HS6ST3: variants seen among roughly 807,000 people sequenced by gnomAD.
HS6ST3 encodes heparan-sulfate 6-O-sulfotransferase 3.
HS6ST3 carries 12 observed loss-of-function variants against 36.7 expected under a neutral mutation model. The ratio of observed to expected loss-of-function variants is 0.33; its 90% CI spans 0.21 to 0.53. The LOEUF is 0.53. Ranked by LOEUF, HS6ST3 falls within the 20% of genes least tolerant of loss-of-function variation. HS6ST3 has a pLI of 0.95. For synonymous variants in HS6ST3, 240 were observed against 257.5 expected (o/e 0.93, Z 0.65); for missense variants, 584 against 640.9 (o/e 0.91, Z 0.96).
intron 1 of HS6ST3, among the ~76,000 whole-genome samples, chr13:96,193,283 G>A (rs1162662271): frequency 2.6e-5 from 4 of 152,092 alleles, no homozygotes; most frequent in African/African-American, 9.7e-5. Flanking sequence ...TCTCAAAGCC[G>A]AACGAAATAG....
Position 96,091,166 on chromosome 13 carries a change from G to C in HS6ST3, c.304G>C (p.Glu102Gln). 1 of 1,546,040 alleles carries C rather than the reference G, an allele frequency of 6.5e-7. No homozygotes were observed. Among genetic ancestry groups the C allele is most frequent in the African/African-American group, 1.4e-5 (1 of 73,018 alleles). The change falls in exon 1 of 2, where the codon GAG (glutamate) becomes CAG (glutamine). Residue 102 changes from glutamate (E) to glutamine (Q), a missense_variant. This residue lies in a region of HS6ST3 where 217 missense variants were observed against 205.4 expected (regional missense o/e 1.06). Coordinates refer to ENST00000376705, the MANE Select transcript of HS6ST3 (RefSeq NM_153456.4). ...DEEPGDPREGEEEEEEDEPDP... is the reference protein window; with the variant it reads ...DEEPGDPREGQEEEEEDEPDP... ...GGAGCCCGGAGACCCCCGGGAGGGG[G>C]AGGAAGAGGAGGAGGAAGACGAGCC...
intron 1 of HS6ST3, among the ~76,000 whole-genome samples, chr13:96,743,365 C>A (rs1594850096): frequency 6.6e-6 from 1 of 152,056 alleles, no homozygotes; most frequent in East Asian, 1.9e-4. Context: ...GTCACTCGGG[C>A]AATCCCAATA....
chr13:96,381,926 A>G (rs2055343466), intron 1 of HS6ST3, among the ~76,000 whole-genome samples: 1 of 152,188 alleles, frequency 6.6e-6, no homozygotes, highest in Non-Finnish European at 1.5e-5. Context: ...ACACTGGCCC[A>G]TGCAGGGTTG....
At chr13:96,681,606 C>T (rs1205712431) in intron 1 of HS6ST3, among the ~76,000 whole-genome samples, 2 of 152,116 alleles carry the variant, frequency 1.3e-5, no homozygotes, top group African/African-American at 4.8e-5. Flanking sequence ...ATTTTCTTAG[C>T]AACAGATTAT....
At chr13:96,688,129 T>C (rs1874837538) in intron 1 of HS6ST3, among the ~76,000 whole-genome samples, 1 of 150,688 alleles carries the variant, frequency 6.6e-6, no homozygotes, top group African/African-American at 2.5e-5. Flanking sequence ...AATGACGAGT[T>C]AATGGGTGCA....
intron 1 of HS6ST3, among the ~76,000 whole-genome samples, chr13:96,359,663 T>C (rs1461361465): frequency 1.3e-5 from 2 of 152,122 alleles, no homozygotes; most frequent in African/African-American, 2.4e-5. Context: ...ATGGCACCAG[T>C]CACTTTGCTG....
At chr13:96,279,777 T>G (rs1483927753) in intron 1 of HS6ST3, among the ~76,000 whole-genome samples, 3 of 152,196 alleles carry the variant, frequency 2.0e-5, no homozygotes, top group African/African-American at 4.8e-5. Flanking sequence ...TCAACCTGCT[T>G]CTTTAATTCT....
intron 1 of HS6ST3, among the ~76,000 whole-genome samples, chr13:96,726,957 G>A (rs1220355937): frequency 6.6e-6 from 1 of 152,016 alleles, no homozygotes; most frequent in East Asian, 1.9e-4. Context: ...GGATTCATGT[G>A]CTTTCTTTGC....
intron 1 of HS6ST3, among the ~76,000 whole-genome samples, chr13:96,296,527 G>C (rs376515792): frequency 1.3e-5 from 2 of 152,080 alleles, no homozygotes; most frequent in East Asian, 3.9e-4. Context: ...ACAACGGTGA[G>C]AAAAGCTGGC....
chr13:96,284,743 C>T (rs988616923), intron 1 of HS6ST3, among the ~76,000 whole-genome samples: 6 of 135,854 alleles, frequency 4.4e-5, no homozygotes, highest in Admixed American at 3.7e-4. Context: ...AAAGAGGATA[C>T]TGGTCTGCTT....
intron 1 of HS6ST3, among the ~76,000 whole-genome samples, chr13:96,685,963 A>G (rs1226935478): frequency 1.3e-5 from 2 of 152,096 alleles, no homozygotes; most frequent in Non-Finnish European, 2.9e-5. Context: ...AATCACAGGT[A>G]TATAGCTTTG....
At chr13:96,483,474 C>G (rs1327279573) in intron 1 of HS6ST3, among the ~76,000 whole-genome samples, 1 of 152,078 alleles carries the variant, frequency 6.6e-6, no homozygotes. Flanking sequence ...ACAATCCCTG[C>G]AAGGTCATAT....
chr13:96,487,416 T>G (rs879437534), intron 1 of HS6ST3, among the ~76,000 whole-genome samples: 1 of 152,120 alleles, frequency 6.6e-6, no homozygotes, highest in Non-Finnish European at 1.5e-5. Context: ...TTATAGGTAA[T>G]GGCTTAAAAA....
At chr13:96,568,907 T>C (rs2138960646) in intron 1 of HS6ST3, among the ~76,000 whole-genome samples, 1 of 152,276 alleles carries the variant, frequency 6.6e-6, no homozygotes, top group East Asian at 1.9e-4. Context: ...GATAATACAT[T>C]CTTTTCCAAA....
chr13:96,382,644 C>A (rs568755935), intron 1 of HS6ST3, among the ~76,000 whole-genome samples: 1 of 152,220 alleles, frequency 6.6e-6, no homozygotes, highest in East Asian at 1.9e-4. Context: ...TTAGTCATAT[C>A]ACTTTGGAAA....
intron 1 of HS6ST3, among the ~76,000 whole-genome samples, chr13:96,660,452 G>T (rs554772460): frequency 6.6e-6 from 1 of 152,222 alleles, no homozygotes; most frequent in Non-Finnish European, 1.5e-5. Context: ...AATAAATGGT[G>T]TTGGGAAAAC....
intron 1 of HS6ST3, among the ~76,000 whole-genome samples, chr13:96,351,335 T>TTA (rs1203595829): frequency 1.4e-5 from 2 of 146,366 alleles, no homozygotes; most frequent in Non-Finnish European, 3.0e-5. Context: ...TTTTTTTTTT[T>TTA]AAAAAAAACA....
intron 1 of HS6ST3, among the ~76,000 whole-genome samples, chr13:96,288,750 T>C (rs1346032116): frequency 6.6e-6 from 1 of 152,118 alleles, no homozygotes; most frequent in African/African-American, 2.4e-5. Flanking sequence ...GAAATCTGGA[T>C]AGAGAAAAAG....
intron 1 of HS6ST3, among the ~76,000 whole-genome samples, chr13:96,651,066 G>T (rs1321124434): frequency 6.6e-6 from 1 of 151,898 alleles, no homozygotes; most frequent in Non-Finnish European, 1.5e-5. Flanking sequence ...TTGGCTACTG[G>T]AAAAAGTCCT....
Sources: gnomAD v4.1 joint callset for allele counts (sites outside exome capture counted in the v4.1 genomes callset) on GRCh38, gnomAD v4.1.1 for gene constraint, gnomAD v4.1.1 regional missense constraint, MANE v1.5 for transcripts, NCBI Gene and HGNC (gene_info 2026-07-23, HGNC 2026-07-21) for gene names.